The following CSMD1 variants were observed in gnomAD, a reference collection of about 807,000 sequenced individuals.
The protein encoded by CSMD1 is CUB and Sushi multiple domains 1.
A neutral mutation model predicts 417.5 loss-of-function variants in CSMD1; 213 were observed. That is an observed-to-expected ratio of 0.51 (90% CI 0.46 to 0.57). The LOEUF (loss-of-function observed/expected upper bound fraction) is 0.57, where lower values mean the gene tolerates loss of function less well. Among genes scored for constraint, CSMD1 ranks in the 20% least tolerant of loss-of-function variants. The pLI, the probability that CSMD1 is intolerant of heterozygous loss-of-function variation, is 0.00. For missense variants in CSMD1, 6,923 were observed against 4,529.7 expected (o/e 1.53, Z -15.17); for synonymous variants, 2,862 against 1,736.8 (o/e 1.65, Z -16.11).
At chr8:3,459,935 C>G (rs1177315403) in intron 12 of CSMD1, among the ~76,000 whole-genome samples, 1 of 152,130 alleles carries the variant, frequency 6.6e-6, no homozygotes, top group Non-Finnish European at 1.5e-5. Flanking sequence ...GATAATGCTA[C>G]AAAAATCTAA....
At chr8:3,171,553 T>C (rs887813951) in intron 37 of CSMD1, among the ~76,000 whole-genome samples, 2 of 152,192 alleles carry the variant, frequency 1.3e-5, no homozygotes, top group Admixed American at 6.5e-5. Flanking sequence ...GTCTAGACTC[T>C]TTATTCCCTA....
chr8:3,024,305 A>G (rs113655487), intron 51 of CSMD1, among the ~76,000 whole-genome samples: 2,891 of 76,776 alleles, frequency 0.038, 57 homozygotes, highest in African/African-American at 0.1. Flanking sequence ...TTGGGGGGGG[A>G]GGGCAGTGGG....
At chr8:3,740,362 T>C (rs1796734370) in intron 6 of CSMD1, among the ~76,000 whole-genome samples, 1 of 152,152 alleles carries the variant, frequency 6.6e-6, no homozygotes, top group African/African-American at 2.4e-5. Context: ...TTCCTTTCAT[T>C]GGGCAGCACA....
intron 3 of CSMD1, among the ~76,000 whole-genome samples, chr8:4,323,484 C>G (rs1585231893): frequency 1.2e-5 from 1 of 81,692 alleles, no homozygotes; most frequent in African/African-American, 8.0e-5. Context: ...GGGACTAGGG[C>G]TTTCTCTGAA....
chr8:4,195,290 C>T lies in CSMD1; in HGVS notation c.416-163191G>A, dbSNP rs957323314. On this transcript the variant is annotated intron_variant, in intron 3 of 69. Coordinates refer to ENST00000635120, the MANE Select transcript of CSMD1 (RefSeq NM_033225.6). ...TTGCTCTTTCACCCAGGCAGTTCCA[C>T]AATCATAATATTAATAGGCAGAAAA... is the stretch of plus-strand genomic sequence containing the variant. Among the ~76,000 whole-genome samples the T allele has an allele frequency of 2.6e-5, 4 of 152,072 alleles. No individual in the cohort carries two copies. In the South Asian group the frequency reaches 6.2e-4, roughly 24 times the overall value.
intron 5 of CSMD1, among the ~76,000 whole-genome samples, chr8:3,939,250 TGA>T (rs1491289837): frequency 1.3e-5 from 2 of 152,008 alleles, no homozygotes; most frequent in African/African-American, 4.8e-5. Context: ...GTTTTACATA[TGA>T]AAAAAAATGC....
At chr8:4,620,256 T>A (rs1451902073) in intron 2 of CSMD1, among the ~76,000 whole-genome samples, 2 of 151,558 alleles carry the variant, frequency 1.3e-5, no homozygotes, top group African/African-American at 4.8e-5. Context: ...TAAATAACAA[T>A]TGCTCTATCT....
chr8:4,435,213 C>G (rs530444231), intron 2 of CSMD1, among the ~76,000 whole-genome samples: 2 of 152,072 alleles, frequency 1.3e-5, no homozygotes, highest in Admixed American at 6.6e-5. Flanking sequence ...ATCAGCCAAT[C>G]TGATCTTTGG....
At chr8:3,527,890 G>A (rs1004540072) in intron 10 of CSMD1, among the ~76,000 whole-genome samples, 2 of 152,128 alleles carry the variant, frequency 1.3e-5, no homozygotes, top group Admixed American at 6.5e-5. Flanking sequence ...TCAGCACCAC[G>A]GACATTACAG....
chr8:4,345,616 A>AC (rs1800734790), intron 3 of CSMD1, among the ~76,000 whole-genome samples: 2 of 152,102 alleles, frequency 1.3e-5, no homozygotes, highest in East Asian at 3.9e-4. Flanking sequence ...CAAAAACAAA[A>AC]AGTACCAAAA....
intron 3 of CSMD1, among the ~76,000 whole-genome samples, chr8:4,121,483 T>G (rs1185859662): frequency 6.6e-6 from 1 of 152,184 alleles, no homozygotes; most frequent in Admixed American, 6.5e-5. Flanking sequence ...CTAGTTACTT[T>G]CCTATTTCTC....
chr8:3,258,333 C>T (rs189987729), intron 26 of CSMD1, among the ~76,000 whole-genome samples: 198 of 152,158 alleles, frequency 1.3e-3, no homozygotes, highest in African/African-American at 4.6e-3. Flanking sequence ...TGCCAACAAT[C>T]GTGGAAAAAA....
At chr8:4,249,786 A>G (rs1802942028) in intron 3 of CSMD1, among the ~76,000 whole-genome samples, 1 of 152,148 alleles carries the variant, frequency 6.6e-6, no homozygotes, top group South Asian at 2.1e-4. Flanking sequence ...ACTTGGGGAA[A>G]TGAAGAACAC....
intron 5 of CSMD1, among the ~76,000 whole-genome samples, chr8:3,843,924 C>A (rs372202976): frequency 6.6e-6 from 1 of 152,142 alleles, no homozygotes; most frequent in Non-Finnish European, 1.5e-5. Context: ...CTTTCCATTG[C>A]ATGCGCACAA....
intron 26 of CSMD1, among the ~76,000 whole-genome samples, chr8:3,273,356 A>G (rs371829877): frequency 2.7e-4 from 41 of 152,068 alleles, no homozygotes; most frequent in Non-Finnish European, 3.8e-4. Context: ...GAGGATTTTT[A>G]CATCAATGTT....
intron 1 of CSMD1, among the ~76,000 whole-genome samples, chr8:4,886,151 C>G (rs1054108277): frequency 2.0e-5 from 3 of 151,918 alleles, no homozygotes; most frequent in African/African-American, 7.3e-5. Flanking sequence ...CCACGACTCC[C>G]AGCTAATTTT....
chr8:4,089,686 G>A (rs913552971), intron 3 of CSMD1, among the ~76,000 whole-genome samples: 9 of 152,160 alleles, frequency 5.9e-5, no homozygotes, highest in African/African-American at 1.9e-4. Flanking sequence ...TTAACATATA[G>A]AATGTGCCCA....
chr8:3,817,119 G>T (rs771758625), intron 5 of CSMD1, among the ~76,000 whole-genome samples: 7 of 151,960 alleles, frequency 4.6e-5, no homozygotes, highest in South Asian at 2.1e-4. Context: ...ATCTTATAGA[G>T]AGAGCTCTTC....
Position 3,272,590 on chromosome 8 carries a change from A to G in CSMD1, c.4153+11554T>C, listed in dbSNP as rs1563210818. 1.5e-5 allele frequency among the ~76,000 whole-genome samples: 2 copies of G among 135,832 alleles called. 1 individual carries two copies. Among genetic ancestry groups the G allele is most frequent in the Non-Finnish European group, 3.2e-5 (2 of 63,208 alleles). The allele number at this position is 135,832 out of a possible 152,430, so 89.1% of individuals were successfully genotyped here. ...ATGGAATGTTCTTCCATTTGTTTGT[A>G]TCTTCTTTTATTTCCTTGAGCAGTG... On this transcript the variant is annotated intron_variant, in intron 26 of 69. Coordinates refer to ENST00000635120, the MANE Select transcript of CSMD1 (RefSeq NM_033225.6).
Sources: allele counts gnomAD v4.1 joint callset (sites outside exome capture counted in the v4.1 genomes callset), GRCh38; gene constraint gnomAD v4.1.1; transcripts MANE v1.5; gene names NCBI Gene and HGNC (gene_info 2026-07-23, HGNC 2026-07-21).